PCSK5: variants seen among roughly 807,000 people sequenced by gnomAD.
PCSK5 encodes the protein proprotein convertase subtilisin/kexin type 5.
A neutral mutation model predicts 233.2 loss-of-function variants in PCSK5; 129 were observed. That is an observed-to-expected ratio of 0.55 (90% CI 0.48 to 0.64). PCSK5 has a LOEUF of 0.64. Among genes scored for constraint, PCSK5 ranks in the 30% least tolerant of loss-of-function variants. PCSK5 has a pLI of 0.00. For synonymous variants in PCSK5, 825 were observed against 879.2 expected, an observed-to-expected ratio of 0.94 and a Z score of 1.09; for missense variants, 2,076 against 2,430.1, an observed-to-expected ratio of 0.85 and a Z score of 3.06.
Position 76,250,987 on chromosome 9 carries a change from T to C in PCSK5, c.3142+10303T>C, listed in dbSNP as rs118065303. ...TCAATCAATCTGGCTTGAAAAGTAG[T>C]CCAAGCATGGTAGCTCAGACCTGTA... On this transcript the variant is annotated intron_variant, in intron 24 of 37. Transcript: ENST00000674117. 1.2e-4 allele frequency among the ~76,000 whole-genome samples: 19 copies of C among 152,290 alleles called. No individual in the cohort carries two copies. The East Asian group carries it at 3.7e-3, about 29-fold the overall frequency.
At chr9:76,045,318 T>C (rs778004631) in intron 5 of PCSK5, among the ~76,000 whole-genome samples, 148 of 152,214 alleles carry the variant, frequency 9.7e-4, no homozygotes, top group Non-Finnish European at 1.5e-3. Flanking sequence ...AAGAGAAAAG[T>C]TTTAAAACAG....
At chr9:76,193,456 T>C in intron 20 of PCSK5, 1 of 804,280 alleles carries the variant, frequency 1.2e-6, no homozygotes, top group Non-Finnish European at 1.8e-6. Flanking sequence ...GCCACCTCTC[T>C]CTTTCTTTTC....
At chr9:76,039,665 ATTG>A (rs1234034558) in intron 5 of PCSK5, among the ~76,000 whole-genome samples, 4 of 152,206 alleles carry the variant, frequency 2.6e-5, no homozygotes, top group Admixed American at 2.6e-4. Context: ...TTGAAAAGTT[ATTG>A]TTATGTTGTT....
intron 9 of PCSK5, among the ~76,000 whole-genome samples, chr9:76,126,599 G>A (rs764885446): frequency 1.1e-4 from 16 of 152,148 alleles, no homozygotes; most frequent in South Asian, 2.1e-4. Flanking sequence ...GGCAACAAGA[G>A]TGAAACTCCA....
chr9:75,891,531 G>GCACA (rs34768107), intron 1 of PCSK5, among the ~76,000 whole-genome samples, 158 bp downstream of exon 1: 181 of 148,794 alleles, frequency 1.2e-3, no homozygotes, highest in African/African-American at 3.9e-3. Context: ...GCGCGCGTAC[G>GCACA]CACACACACA....
At chr9:76,019,465 A>G (rs1422420789) in intron 3 of PCSK5, among the ~76,000 whole-genome samples, 1 of 152,212 alleles carries the variant, frequency 6.6e-6, no homozygotes, top group Non-Finnish European at 1.5e-5. Flanking sequence ...AATGAACAAC[A>G]GATGTTTTCA....
intron 30 of PCSK5, among the ~76,000 whole-genome samples, chr9:76,320,465 CTTTTT>C (rs140154837): frequency 1.9e-4 from 19 of 102,010 alleles, no homozygotes; most frequent in Admixed American, 2.3e-4. Context: ...TACATTGTAG[CTTTTT>C]TTTTTTTTTT....
At chr9:75,951,727 A>T (rs1824866036) in intron 2 of PCSK5, among the ~76,000 whole-genome samples, 1 of 152,130 alleles carries the variant, frequency 6.6e-6, no homozygotes, top group Admixed American at 6.6e-5. Context: ...AACAGTAAAA[A>T]TAATACAATA....
chr9:76,205,379 G>A (rs886406748), intron 20 of PCSK5, among the ~76,000 whole-genome samples: 3 of 152,132 alleles, frequency 2.0e-5, no homozygotes, highest in African/African-American at 4.8e-5. Context: ...TGGGGCTGGG[G>A]CAACTTGACC....
chr9:76,354,258 T>C, intron 37 of PCSK5, 39 bp downstream of exon 37: 1 of 1,491,622 alleles, frequency 6.7e-7, no homozygotes, highest in Non-Finnish European at 9.0e-7. Context: ...AGGAAGGGCA[T>C]GTCCTCAAGA....
intron 30 of PCSK5, 104 bp downstream of exon 30, chr9:76,310,955 A>G: frequency 1.3e-6 from 1 of 765,192 alleles, no homozygotes; most frequent in Non-Finnish European, 2.0e-6. Flanking sequence ...CTGCTCTACG[A>G]GCACCCACAT....
chr9:76,092,095 C>A (rs902402938), intron 7 of PCSK5, among the ~76,000 whole-genome samples: 1 of 152,036 alleles, frequency 6.6e-6, no homozygotes, highest in South Asian at 2.1e-4. Flanking sequence ...CTGAGGGAGT[C>A]CCCCCTCAGG....
At chr9:76,092,741 T>C (rs999340161) in intron 7 of PCSK5, among the ~76,000 whole-genome samples, 2 of 152,234 alleles carry the variant, frequency 1.3e-5, no homozygotes, top group African/African-American at 2.4e-5. Flanking sequence ...GAGTAATGTT[T>C]GTACAGTGCT....
intron 13 of PCSK5, among the ~76,000 whole-genome samples, chr9:76,173,627 C>A (rs17062174): frequency 0.063 from 9,308 of 148,558 alleles, 337 homozygotes; most frequent in South Asian, 0.11. Flanking sequence ...GTGATCCAGA[C>A]TCATAGAAGG....
chr9:76,322,106 C>T lies in PCSK5; in HGVS notation c.4102+467C>T, dbSNP rs541429105. 1.5e-3 allele frequency among the ~76,000 whole-genome samples: 233 copies of T among 152,072 alleles called. 2 individuals are homozygous for T. The Middle Eastern group carries it at 0.02, about 13-fold the overall frequency. ...CTGGGATTACAGGCACGCTCCACCA[C>T]GCCGGGCTAATTTTAACATTTTTAG... On this transcript the variant is annotated intron_variant, in intron 31 of 37. Transcript: ENST00000674117.
intron 24 of PCSK5, among the ~76,000 whole-genome samples, chr9:76,242,928 G>A (rs148345146): frequency 1.7e-4 from 26 of 152,294 alleles, no homozygotes; most frequent in Non-Finnish European, 3.2e-4. Flanking sequence ...ATAGCTTCAA[G>A]ACACCTTGAC....
chr9:76,029,466 TAAAAC>T (rs1828567603), intron 5 of PCSK5, among the ~76,000 whole-genome samples: 3 of 152,222 alleles, frequency 2.0e-5, no homozygotes, highest in South Asian at 2.1e-4. Context: ...TTATTTTTAT[TAAAAC>T]AAATCATGAT....
At chr9:76,068,082 A>T (rs766706333) in intron 6 of PCSK5, 39 bp downstream of exon 6, 1 of 1,429,874 alleles carries the variant, frequency 7.0e-7, no homozygotes, top group Non-Finnish European at 9.9e-7. Flanking sequence ...GAAATGCGCC[A>T]GTTAGCTCTT....
At chr9:76,289,517 TACACACAC>T (rs138282168) in intron 24 of PCSK5, among the ~76,000 whole-genome samples, 34 of 119,464 alleles carry the variant, frequency 2.8e-4, no homozygotes, top group Non-Finnish European at 4.5e-4. Flanking sequence ...ACACGCAACA[TACACACAC>T]ACACACACAC....
Sources: gnomAD v4.1 joint callset for allele counts (sites outside exome capture counted in the v4.1 genomes callset) on GRCh38, gnomAD v4.1.1 for gene constraint, MANE v1.5 for transcripts, NCBI Gene and HGNC (gene_info 2026-07-23, HGNC 2026-07-21) for gene names.